Variants in CPQ observed in about 807,000 individuals in gnomAD.
CPQ encodes the protein carboxypeptidase Q, also known as Ser-Met dipeptidase.
A neutral mutation model predicts 45.7 loss-of-function variants in CPQ; 37 were observed. The ratio of observed to expected loss-of-function variants is 0.81; its 90% CI spans 0.62 to 1.07. The LOEUF (loss-of-function observed/expected upper bound fraction) is 1.07, where lower values mean the gene tolerates loss of function less well. Ranked by LOEUF, CPQ falls within the 50% of genes least tolerant of loss-of-function variation. CPQ has a pLI of 0.00. For synonymous variants in CPQ, 186 were observed against 205.8 expected (o/e 0.90, Z 0.82); for missense variants, 537 against 572.9 (o/e 0.94, Z 0.64).
intron 4 of CPQ, among the ~76,000 whole-genome samples, chr8:96,913,052 A>G (rs925087309): frequency 6.6e-6 from 1 of 152,142 alleles, no homozygotes; most frequent in African/African-American, 2.4e-5. Context: ...GTCAACCAAC[A>G]TCCTCATACC....
intron 1 of CPQ, among the ~76,000 whole-genome samples, chr8:96,764,581 C>T (rs1341384706): frequency 1.3e-5 from 2 of 152,084 alleles, no homozygotes; most frequent in African/African-American, 4.8e-5. Context: ...AATTATATTT[C>T]AGTACAGCTG....
At chr8:96,734,886 C>T (rs1809960519) in intron 1 of CPQ, among the ~76,000 whole-genome samples, 1 of 152,008 alleles carries the variant, frequency 6.6e-6, no homozygotes, top group Non-Finnish European at 1.5e-5. Context: ...CTTTATTTTG[C>T]TATGCTACTC....
At chr8:97,019,120 G>A (rs151271456) in intron 5 of CPQ, among the ~76,000 whole-genome samples, 1,685 of 152,176 alleles carry the variant, frequency 0.011, 27 homozygotes, top group African/African-American at 0.038. Flanking sequence ...TTTTGTACCC[G>A]GCGAAATTAA....
intron 2 of CPQ, among the ~76,000 whole-genome samples, chr8:96,793,912 C>G (rs1371192331): frequency 6.6e-6 from 1 of 152,240 alleles, no homozygotes; most frequent in Non-Finnish European, 1.5e-5. Flanking sequence ...CTCCATGTCT[C>G]ACATCTAGGT....
intron 4 of CPQ, among the ~76,000 whole-genome samples, chr8:96,939,563 T>C (rs1813098788): frequency 6.6e-6 from 1 of 152,232 alleles, no homozygotes; most frequent in Non-Finnish European, 1.5e-5. Flanking sequence ...TAAAAAGCTT[T>C]ATAAAATTGC....
At chr8:96,853,336 C>A (rs1306223227) in intron 3 of CPQ, among the ~76,000 whole-genome samples, 1 of 152,192 alleles carries the variant, frequency 6.6e-6, no homozygotes, top group Admixed American at 6.5e-5. Context: ...TTAACATATT[C>A]TGAGAACAGG....
chr8:96,721,063 A>G (rs1390515184), intron 1 of CPQ, among the ~76,000 whole-genome samples: 3 of 151,808 alleles, frequency 2.0e-5, no homozygotes, highest in Admixed American at 6.6e-5. Context: ...CAGCCACTCT[A>G]TAAGCTTTGG....
intron 1 of CPQ, among the ~76,000 whole-genome samples, chr8:96,760,607 A>C (rs1055115910): frequency 6.6e-6 from 1 of 152,150 alleles, no homozygotes; most frequent in Non-Finnish European, 1.5e-5. Flanking sequence ...TGGTGGTTAT[A>C]ATGCATTATA....
chr8:97,005,869 AT>A (rs1274043852), intron 5 of CPQ, among the ~76,000 whole-genome samples: 2 of 152,124 alleles, frequency 1.3e-5, no homozygotes, highest in African/African-American at 2.4e-5. Context: ...TCCAGAGGAA[AT>A]TTTTTTATCA....
chr8:96,742,361 A>G (rs1363192755), intron 1 of CPQ, among the ~76,000 whole-genome samples: 1 of 152,060 alleles, frequency 6.6e-6, no homozygotes, highest in East Asian at 1.9e-4. Context: ...TTTTGAGCCT[A>G]TGTGTGTCTC....
intron 5 of CPQ, among the ~76,000 whole-genome samples, chr8:97,023,284 A>G (rs192479409): frequency 2.3e-4 from 35 of 152,018 alleles, no homozygotes; most frequent in Non-Finnish European, 2.6e-4. Context: ...TGAGGATGCA[A>G]AGGCATAAGA....
At chr8:97,142,710 T>G (rs778482215) in intron 7 of CPQ, among the ~76,000 whole-genome samples, 23 of 152,246 alleles carry the variant, frequency 1.5e-4, no homozygotes, top group Non-Finnish European at 3.1e-4. Flanking sequence ...ATTTTTAGTT[T>G]AGGGGCTTTT....
At chr8:96,675,077 A>G (rs1430259222) in intron 1 of CPQ, among the ~76,000 whole-genome samples, 1 of 152,038 alleles carries the variant, frequency 6.6e-6, no homozygotes, top group Admixed American at 6.6e-5. Context: ...TAAGTCAGAG[A>G]AAAGAAATTA....
At chr8:97,125,389 A>G (rs1054927466) in intron 7 of CPQ, among the ~76,000 whole-genome samples, 1 of 152,184 alleles carries the variant, frequency 6.6e-6, no homozygotes, top group Non-Finnish European at 1.5e-5. Flanking sequence ...AACTCATTTT[A>G]TAAGGCGTGT....
intron 4 of CPQ, among the ~76,000 whole-genome samples, chr8:96,947,598 A>C (rs113193170): frequency 1.2e-4 from 18 of 152,182 alleles, no homozygotes; most frequent in South Asian, 8.3e-4. Flanking sequence ...TGCCTGTAAA[A>C]AAACAAACAA....
intron 1 of CPQ, among the ~76,000 whole-genome samples, chr8:96,754,381 A>G (rs1467617221): frequency 1.3e-5 from 2 of 152,068 alleles, no homozygotes; most frequent in East Asian, 1.9e-4. Context: ...CCCCTCAGAA[A>G]GTGACACTAA....
At chr8:96,683,725 T>A (rs948485257) in intron 1 of CPQ, among the ~76,000 whole-genome samples, 7 of 150,204 alleles carry the variant, frequency 4.7e-5, no homozygotes, top group Non-Finnish European at 1.0e-4. Flanking sequence ...TAAATCCATT[T>A]TTTCTATTTT....
At chr8:96,777,896 T>C (rs1428245792) in intron 1 of CPQ, among the ~76,000 whole-genome samples, 2 of 148,434 alleles carry the variant, frequency 1.3e-5, no homozygotes. Context: ...GCCCAGCTAA[T>C]TTTTTGTATT....
rs2952061 is a variant in CPQ at position 96,724,286 on chromosome 8, T to A, written c.-34-60578T>A. 2.6e-3 allele frequency among the ~76,000 whole-genome samples: 389 copies of A among 152,230 alleles called. 4 individuals carry two copies. The highest frequency in any genetic ancestry group is 8.8e-3 in the African/African-American group (365 of 41,536). On this transcript the variant is annotated intron_variant, in intron 1 of 7. Transcript: ENST00000220763. ...TGCATATTATAGTCATTCATACCTT[T>A]TGACTGCTCTGTAATATTCAATGTG... is the stretch of plus-strand genomic sequence containing the variant.
Sources: gnomAD v4.1 joint callset for allele counts (sites outside exome capture counted in the v4.1 genomes callset) on GRCh38, gnomAD v4.1.1 for gene constraint, MANE v1.5 for transcripts, NCBI Gene and HGNC (gene_info 2026-07-23, HGNC 2026-07-21) for gene names.